Variants in NLGN4X observed in about 807,000 individuals in gnomAD.
NLGN4X encodes the protein neuroligin-4, X-linked.
Under a neutral mutation model 40.3 loss-of-function variants are expected in NLGN4X, and 3 were observed. The observed-to-expected ratio is 0.07, with a 90% CI of 0.03 to 0.19. The LOEUF (loss-of-function observed/expected upper bound fraction) is 0.19. Ranked by LOEUF, NLGN4X falls within the 10% of genes least tolerant of loss-of-function variation. The probability of loss-of-function intolerance (pLI) is 1.00; values close to 1 mark genes in which losing one functional copy is unlikely to be tolerated. For missense variants in NLGN4X, 382 were observed against 708.3 expected (o/e 0.54, Z 5.23); for synonymous variants, 270 against 306.8 (o/e 0.88, Z 1.25).
At chrX:6,111,895 T>G (rs2039157063) in intron 2 of NLGN4X, among the ~76,000 whole-genome samples, 1 of 111,990 alleles carries the variant, frequency 8.9e-6, no homozygotes, top group Non-Finnish European at 1.9e-5. Flanking sequence ...GATGAAATAT[T>G]GTAAAAATTT....
Position 5,980,254 on chromosome X carries a change from T to C in NLGN4X, c.625+49026A>G, listed in dbSNP as rs372898650. ...TGCATCATATATATGTATGTATGCA[T>C]ACATTTATACTGGTACAATACCTTC... On this transcript the variant is annotated intron_variant, in intron 3 of 5. Coordinates refer to ENST00000381095, the MANE Select transcript of NLGN4X (RefSeq NM_181332.3). Among the ~76,000 whole-genome samples, 5 of 109,475 alleles carry C rather than the reference T, an allele frequency of 4.6e-5. No individual in the cohort carries two copies. In the East Asian group the frequency reaches 1.1e-3, roughly 25 times the overall value.
chrX:6,123,835 CAA>C (rs59494482), intron 2 of NLGN4X, among the ~76,000 whole-genome samples: 2,015 of 59,192 alleles, frequency 0.034, 49 homozygotes, highest in African/African-American at 0.09. Flanking sequence ...TCAGGTAAAG[CAA>C]AAAAAAAAAA....
At chrX:5,992,143 A>G (rs2147100591) in intron 3 of NLGN4X, among the ~76,000 whole-genome samples, 1 of 111,904 alleles carries the variant, frequency 8.9e-6, no homozygotes, top group African/African-American at 3.2e-5. Flanking sequence ...TTAGAGTTGG[A>G]CCTAATGAGG....
At chrX:6,017,588 C>T (rs1364412887) in intron 3 of NLGN4X, among the ~76,000 whole-genome samples, 6 of 111,966 alleles carry the variant, frequency 5.4e-5, no homozygotes, top group African/African-American at 1.9e-4. Flanking sequence ...CAAATTATTA[C>T]ACAGACATTC....
chrX:6,120,989 G>A (rs947865603), intron 2 of NLGN4X, among the ~76,000 whole-genome samples: 2 of 111,921 alleles, frequency 1.8e-5, no homozygotes, highest in East Asian at 2.8e-4. Context: ...TCAAGGTGCT[G>A]TATCCTTTGT....
chrX:5,941,097 C>T (rs1187850499), intron 3 of NLGN4X, among the ~76,000 whole-genome samples: 2 of 101,752 alleles, frequency 2.0e-5, no homozygotes, highest in Non-Finnish European at 4.0e-5. Flanking sequence ...CACTGCACTC[C>T]AGCGTGGGTG....
rs182493812 is a variant in NLGN4X at position 5,944,749 on chromosome X, G to T, written c.626-35510C>A. On this transcript the variant is annotated intron_variant, in intron 3 of 5. Coordinates refer to ENST00000381095, the MANE Select transcript of NLGN4X (RefSeq NM_181332.3). ...GTCTGAAAGAAGAAATCAGCCAAAA[G>T]AAAAATACTATTTGAGTTCTATTTT... 6.2e-3 allele frequency among the ~76,000 whole-genome samples: 662 copies of T among 106,693 alleles called. 5 individuals are homozygous for T. The highest frequency in any genetic ancestry group is 0.022 in the African/African-American group (632 of 29,169). The allele number at this position is 106,693 out of a possible 115,157, so 92.7% of individuals were successfully genotyped here.
chrX:6,144,935 G>A (rs142298594), intron 2 of NLGN4X, among the ~76,000 whole-genome samples: 535 of 110,954 alleles, frequency 4.8e-3, no homozygotes, highest in African/African-American at 0.015. Flanking sequence ...GGTGGAGGGC[G>A]GTGCTTGCAC....
At chrX:6,137,912 T>C (rs754885433) in intron 2 of NLGN4X, among the ~76,000 whole-genome samples, 15 of 111,991 alleles carry the variant, frequency 1.3e-4, no homozygotes, top group African/African-American at 3.9e-4. Flanking sequence ...AATTAGTTTA[T>C]TGGCCATTCT....
At chrX:6,122,730 G>C (rs1459809377) in intron 2 of NLGN4X, among the ~76,000 whole-genome samples, 1 of 108,941 alleles carries the variant, frequency 9.2e-6, no homozygotes, top group Non-Finnish European at 1.9e-5. Flanking sequence ...TTCAAAAGAA[G>C]CAGATCCCTC....
chrX:5,952,849 C>T (rs978689629), intron 3 of NLGN4X, among the ~76,000 whole-genome samples: 8 of 110,484 alleles, frequency 7.2e-5, no homozygotes, highest in Admixed American at 9.7e-5. Context: ...GTACATGTCC[C>T]GCACCTTATA....
chrX:6,197,149 T>C (rs1923163990), intron 1 of NLGN4X, among the ~76,000 whole-genome samples: 1 of 112,219 alleles, frequency 8.9e-6, no homozygotes, highest in Admixed American at 9.5e-5. Context: ...GAATAAATTA[T>C]CTAGATTAAA....
chrX:6,110,322 C>T (rs189951129), intron 2 of NLGN4X, among the ~76,000 whole-genome samples: 3 of 111,031 alleles, frequency 2.7e-5, no homozygotes, highest in African/African-American at 9.8e-5. Context: ...TCTCTGCCCT[C>T]ACTCCTTATC....
chrX:6,098,825 T>C (rs769200483), intron 2 of NLGN4X, among the ~76,000 whole-genome samples: 3 of 112,148 alleles, frequency 2.7e-5, no homozygotes, highest in Non-Finnish European at 5.6e-5. Context: ...AATATCAATA[T>C]GTATCCTCAC....
intron 3 of NLGN4X, chrX:5,991,490 G>C: frequency 1.9e-6 from 1 of 520,716 alleles, no homozygotes. Flanking sequence ...TGACAACGAT[G>C]CTTGCAGTTT....
intron 2 of NLGN4X, among the ~76,000 whole-genome samples, chrX:6,071,534 C>A (rs5915636): frequency 0.44 from 49,066 of 110,476 alleles, 7,875 homozygotes; most frequent in Middle Eastern, 0.64. Flanking sequence ...AGCCAAGTTA[C>A]ATCTCTCTGT....
chrX:5,960,089 T>A (rs1272879441), intron 3 of NLGN4X, among the ~76,000 whole-genome samples: 1 of 111,382 alleles, frequency 9.0e-6, no homozygotes, highest in Non-Finnish European at 1.9e-5. Context: ...TGCAGTGTTG[T>A]CGATAAGTGT....
chrX:6,198,255 A>C (rs1318373523), intron 1 of NLGN4X, among the ~76,000 whole-genome samples: 2 of 111,282 alleles, frequency 1.8e-5, no homozygotes, highest in Non-Finnish European at 3.8e-5. Flanking sequence ...ATTACAACTA[A>C]AGATTTGGGG....
chrX:5,991,461 T>C (rs1163649403), intron 3 of NLGN4X: 1 of 520,454 alleles, frequency 1.9e-6, no homozygotes, highest in East Asian at 3.6e-5. Flanking sequence ...TGCAACCCCA[T>C]GGTGCCTGCA....
Sources: allele counts gnomAD v4.1 joint callset (sites outside exome capture counted in the v4.1 genomes callset), GRCh38; gene constraint gnomAD v4.1.1; transcripts MANE v1.5; gene names NCBI Gene and HGNC (gene_info 2026-07-23, HGNC 2026-07-21).